Variants in PRKAR1B observed in about 807,000 individuals in gnomAD.
PRKAR1B encodes the protein cAMP-dependent protein kinase type I-beta regulatory subunit.
A neutral mutation model predicts 46.5 loss-of-function variants in PRKAR1B; 22 were observed. That is an observed-to-expected ratio of 0.47 (90% CI 0.34 to 0.68). The LOEUF (loss-of-function observed/expected upper bound fraction) is 0.68, where lower values mean the gene tolerates loss of function less well. Ranked by LOEUF, PRKAR1B falls within the 30% of genes least tolerant of loss-of-function variation. The pLI is 0.01. For missense variants in PRKAR1B, 445 were observed against 535.6 expected (o/e 0.83, Z 1.67); for synonymous variants, 259 against 217.7 (o/e 1.19, Z -1.67).
intron 4 of PRKAR1B, among the ~76,000 whole-genome samples, chr7:635,127 T>C (rs190742624): frequency 7.9e-5 from 12 of 152,294 alleles, no homozygotes; most frequent in Middle Eastern, 3.4e-3. Flanking sequence ...CAAGGTAAAA[T>C]TTAAAACAAT....
chr7:691,468 G>C, intron 2 of PRKAR1B: 1 of 1,300,804 alleles, frequency 7.7e-7, no homozygotes, highest in Admixed American at 2.3e-5. Context: ...CACGGATGAA[G>C]ATGCAGGCAG....
chr7:585,116 G>A (rs542791626), intron 7 of PRKAR1B, among the ~76,000 whole-genome samples: 2 of 152,226 alleles, frequency 1.3e-5, no homozygotes, highest in Non-Finnish European at 2.9e-5. Flanking sequence ...AACAAACACG[G>A]CCCTGTCAGC....
At chr7:658,174 C>T (rs1452344692) in intron 4 of PRKAR1B, among the ~76,000 whole-genome samples, 1 of 152,010 alleles carries the variant, frequency 6.6e-6, no homozygotes, top group Non-Finnish European at 1.5e-5. Flanking sequence ...TGGCTCACAC[C>T]TGTAATCCCA....
intron 4 of PRKAR1B, among the ~76,000 whole-genome samples, chr7:656,133 A>C (rs1785172172): frequency 6.6e-6 from 1 of 152,226 alleles, no homozygotes; most frequent in African/African-American, 2.4e-5. Context: ...ACCAGGATTT[A>C]CTGGATGGGT....
chr7:686,243 G>C (rs549177463), intron 2 of PRKAR1B, among the ~76,000 whole-genome samples: 175 of 152,108 alleles, frequency 1.2e-3, no homozygotes, highest in African/African-American at 3.8e-3. Flanking sequence ...GGAGCTTGCA[G>C]TGAGCCGAAA....
intron 7 of PRKAR1B, among the ~76,000 whole-genome samples, chr7:590,874 G>A (rs896477959): frequency 2.0e-5 from 3 of 152,128 alleles, no homozygotes; most frequent in Non-Finnish European, 2.9e-5. Flanking sequence ...CAGAAACGCC[G>A]AGCCCAGGCC....
chr7:663,468 C>T (rs1183278988), intron 4 of PRKAR1B, among the ~76,000 whole-genome samples: 1 of 152,178 alleles, frequency 6.6e-6, no homozygotes, highest in Non-Finnish European at 1.5e-5. Flanking sequence ...AACTCCTGGG[C>T]TCAAGCAATC....
chr7:703,617 C>T lies in PRKAR1B; in HGVS notation c.177+7712G>A, dbSNP rs143452295. 2.1e-3 allele frequency among the ~76,000 whole-genome samples: 317 copies of T among 150,616 alleles called. 4 individuals carry two copies. The highest frequency in any genetic ancestry group is 7.3e-3 in the African/African-American group (298 of 40,858). On this transcript the variant is annotated intron_variant, in intron 2 of 10. Coordinates refer to ENST00000537384, the MANE Select transcript of PRKAR1B (RefSeq NM_001164760.2). ...CTTGGAGTGAGCCGAGATCACGTCACTGCACTCCAGCCTGGGCAACAGAGC... is the reference window on the plus strand; with the variant it reads ...CTTGGAGTGAGCCGAGATCACGTCATTGCACTCCAGCCTGGGCAACAGAGC...
intron 2 of PRKAR1B, among the ~76,000 whole-genome samples, chr7:704,636 C>T (rs141755313): frequency 8.6e-4 from 131 of 152,024 alleles, no homozygotes; most frequent in African/African-American, 2.9e-3. Context: ...ATGAGCCAGG[C>T]GCGATGCCTG....
At chr7:637,020 G>A (rs1350195600) in intron 4 of PRKAR1B, among the ~76,000 whole-genome samples, 2 of 152,198 alleles carry the variant, frequency 1.3e-5, no homozygotes, top group Non-Finnish European at 2.9e-5. Context: ...AGGTGTGGTG[G>A]TTCACACCTA....
chr7:708,709 A>C (rs1303202538), intron 2 of PRKAR1B, among the ~76,000 whole-genome samples: 2 of 150,354 alleles, frequency 1.3e-5, no homozygotes, highest in East Asian at 1.9e-4. Flanking sequence ...CTGGTCTCCA[A>C]CTCCTGTGTG....
In PRKAR1B at chr7:560,620, C is replaced by T. The variant is rs543135228; in HGVS notation, c.892-9150G>A. Reference sequence around the variant, plus strand: ...CAAAATCGGGCCGCAGACCAAGAGTCGAAGAGTCTGGGTCCAGCCTCAGCT... The same window carrying T: ...CAAAATCGGGCCGCAGACCAAGAGTTGAAGAGTCTGGGTCCAGCCTCAGCT... On this transcript the variant is annotated intron_variant, in intron 9 of 10. Transcript: ENST00000537384. This position sits in a 1 kb window ranked among gnomAD's most constrained non-coding sequence, Gnocchi z 4.2. Among the ~76,000 whole-genome samples, 1 of 152,236 alleles carries T rather than the reference C, an allele frequency of 6.6e-6. No individual in the cohort carries two copies. The highest frequency in any genetic ancestry group is 2.4e-5 in the African/African-American group (1 of 41,528).
rs372164270 is a variant in PRKAR1B, at chr7:680,732, T to A, written c.178-6A>T. 1 of 1,613,830 alleles carries A rather than the reference T, an allele frequency of 6.2e-7. No individual in the cohort carries two copies. Among genetic ancestry groups the A allele is most frequent in the East Asian group, 2.2e-5 (1 of 44,864 alleles). The stretch of plus-strand genomic sequence containing the variant: ...AAAATCTGCCTGTTTTCTTCCTGTG[T>A]GGGAGAGGAAAACACAGAAAGGAAG... On this transcript the variant is annotated splice_region_variant and splice_polypyrimidine_tract_variant and intron_variant, in intron 2 of 10. Coordinates refer to ENST00000537384, the MANE Select transcript of PRKAR1B (RefSeq NM_001164760.2).
At chr7:578,636 C>T (rs913790355) in intron 9 of PRKAR1B, among the ~76,000 whole-genome samples, 1 of 152,086 alleles carries the variant, frequency 6.6e-6, no homozygotes, top group Admixed American at 6.5e-5. Context: ...GCTCTACCCA[C>T]CCTCGCACGC....
upstream of PRKAR1B, chr7:727,317 TG>T: frequency 1.6e-6 from 2 of 1,276,680 alleles, no homozygotes; most frequent in Non-Finnish European, 2.0e-6. Flanking sequence ...CCACGCCCGG[TG>T]AGCACCCCGG....
intron 4 of PRKAR1B, among the ~76,000 whole-genome samples, chr7:610,072 G>A (rs1562560826): frequency 1.3e-5 from 2 of 152,106 alleles, no homozygotes; most frequent in African/African-American, 2.4e-5. Flanking sequence ...GAAAACCCTC[G>A]CTCCTTCACC....
chr7:665,798 C>T (rs945012456), intron 4 of PRKAR1B, among the ~76,000 whole-genome samples: 4 of 152,182 alleles, frequency 2.6e-5, no homozygotes, highest in Admixed American at 6.6e-5. Flanking sequence ...CCCGTGAATT[C>T]GGCAGAAGGG....
chr7:556,201 C>T (rs534475226), intron 9 of PRKAR1B, among the ~76,000 whole-genome samples: 3 of 152,108 alleles, frequency 2.0e-5, no homozygotes, highest in Admixed American at 2.0e-4. Context: ...CAGGTGGGGG[C>T]ATTCGTGCTT....
chr7:626,747 G>A (rs1185083634), intron 4 of PRKAR1B, among the ~76,000 whole-genome samples: 1 of 150,966 alleles, frequency 6.6e-6, no homozygotes, highest in Admixed American at 6.6e-5. Flanking sequence ...CAGGGTCTCT[G>A]TCACCTAAGC....
Sources: allele counts gnomAD v4.1 joint callset (sites outside exome capture counted in the v4.1 genomes callset), GRCh38; gene constraint gnomAD v4.1.1; non-coding constraint Gnocchi (gnomAD v3.1); transcripts MANE v1.5; gene names NCBI Gene and HGNC (gene_info 2026-07-23, HGNC 2026-07-21).